SLC39A11: variants seen among roughly 807,000 people sequenced by gnomAD.
SLC39A11 encodes solute carrier family 39 member 11, also known as zinc transporter ZIP11.
SLC39A11 carries 33 observed loss-of-function variants against 36.1 expected under a neutral mutation model. That is an observed-to-expected ratio of 0.91 (90% CI 0.69 to 1.22). The LOEUF (loss-of-function observed/expected upper bound fraction) is 1.22. Among genes scored for constraint, SLC39A11 ranks in the 50% most tolerant of loss-of-function variants. SLC39A11 has a pLI of 0.00. For synonymous variants in SLC39A11, 166 were observed against 170.3 expected, an observed-to-expected ratio of 0.97 and a Z score of 0.20; for missense variants, 432 against 430.3, an observed-to-expected ratio of 1.00 and a Z score of -0.03.
intron 3 of SLC39A11, among the ~76,000 whole-genome samples, chr17:73,058,540 T>A (rs1014681110): frequency 6.6e-6 from 1 of 152,058 alleles, no homozygotes; most frequent in Non-Finnish European, 1.5e-5. Flanking sequence ...CTGGCCAACA[T>A]GGCGAAACCC....
chr17:72,899,163 T>C (rs1245913880), intron 5 of SLC39A11, among the ~76,000 whole-genome samples: 1 of 152,170 alleles, frequency 6.6e-6, no homozygotes, highest in African/African-American at 2.4e-5. Flanking sequence ...GGCTAGATCC[T>C]GCCCAGGTCT....
At chr17:72,794,369 C>A (rs1167909671) in intron 6 of SLC39A11, among the ~76,000 whole-genome samples, 3 of 152,152 alleles carry the variant, frequency 2.0e-5, no homozygotes, top group Admixed American at 1.3e-4. Context: ...AGGACTCACA[C>A]TGACTCCACA....
intron 6 of SLC39A11, among the ~76,000 whole-genome samples, chr17:72,786,977 G>A (rs1375939536): frequency 1.3e-5 from 2 of 151,876 alleles, no homozygotes; most frequent in African/African-American, 2.4e-5. Context: ...CCGCTGCCAC[G>A]CCCAGCTAAT....
rs2057348364 is a variant in SLC39A11 at position 72,941,012 on chromosome 17, G to A, written c.430+6740C>T. ...GGAGATTGGGACACCGACAGGCACA[G>A]AGGAAAGACCACGCTTTGGGAGGCC... is the stretch of plus-strand genomic sequence containing the variant. On this transcript the variant is annotated intron_variant, in intron 5 of 9. Transcript: ENST00000255559. 4.6e-5 allele frequency among the ~76,000 whole-genome samples: 7 copies of A among 152,296 alleles called. No homozygotes were observed. The South Asian group carries it at 1.4e-3, about 32-fold the overall frequency.
intron 5 of SLC39A11, among the ~76,000 whole-genome samples, chr17:72,924,774 C>T (rs894467877): frequency 1.8e-4 from 27 of 152,176 alleles, no homozygotes; most frequent in African/African-American, 6.0e-4. Context: ...GAGGCCAAGG[C>T]GGGTGGATCA....
intron 4 of SLC39A11, among the ~76,000 whole-genome samples, chr17:73,009,135 G>C (rs148647123): frequency 6.6e-6 from 1 of 150,854 alleles, no homozygotes; most frequent in Non-Finnish European, 1.5e-5. Flanking sequence ...AGGCCAAGGC[G>C]GGCGGATCAC....
At chr17:72,958,391 G>C (rs1340365206) in intron 4 of SLC39A11, among the ~76,000 whole-genome samples, 1 of 152,098 alleles carries the variant, frequency 6.6e-6, no homozygotes, top group African/African-American at 2.4e-5. Context: ...ACAGCAAAAG[G>C]AACAATCAGC....
chr17:72,990,393 A>C (rs551243529), intron 4 of SLC39A11, among the ~76,000 whole-genome samples: 77 of 152,328 alleles, frequency 5.1e-4, no homozygotes, highest in African/African-American at 1.6e-3. Flanking sequence ...TTAAAGAAAC[A>C]CATTTCCTTT....
chr17:72,879,292 C>T (rs1056409291), intron 5 of SLC39A11, among the ~76,000 whole-genome samples: 2 of 152,180 alleles, frequency 1.3e-5, no homozygotes, highest in Non-Finnish European at 2.9e-5. Flanking sequence ...CCTGGTCTTT[C>T]TCTTCACCAG....
At chr17:72,662,612 A>AG (rs1489000766) in intron 7 of SLC39A11, among the ~76,000 whole-genome samples, 48 of 135,756 alleles carry the variant, frequency 3.5e-4, no homozygotes, top group African/African-American at 1.2e-3. Flanking sequence ...GGAAGGAAGG[A>AG]AGGAGAGAAG....
chr17:72,719,328 T>C (rs2073550746), intron 7 of SLC39A11, among the ~76,000 whole-genome samples: 1 of 152,112 alleles, frequency 6.6e-6, no homozygotes, highest in Non-Finnish European at 1.5e-5. Flanking sequence ...TGGCCACATG[T>C]CCATACTGGG....
At chr17:72,769,571 A>T (rs1318116026) in intron 6 of SLC39A11, among the ~76,000 whole-genome samples, 1 of 149,038 alleles carries the variant, frequency 6.7e-6, no homozygotes, top group East Asian at 2.0e-4. Context: ...TTTGAGATGG[A>T]GTTTCGCTCT....
intron 6 of SLC39A11, among the ~76,000 whole-genome samples, chr17:72,762,974 T>C (rs1487904533): frequency 6.6e-6 from 1 of 152,196 alleles, no homozygotes; most frequent in Non-Finnish European, 1.5e-5. Context: ...CATGTGAGCA[T>C]TGGTCCTTTT....
intron 5 of SLC39A11, among the ~76,000 whole-genome samples, chr17:72,869,926 G>GA (rs574352475): frequency 6.6e-6 from 1 of 151,428 alleles, no homozygotes; most frequent in African/African-American, 2.4e-5. Context: ...TATTCTTCTA[G>GA]AAAAAAAATA....
intron 6 of SLC39A11, among the ~76,000 whole-genome samples, chr17:72,785,245 T>C (rs1383258054): frequency 6.6e-6 from 1 of 152,118 alleles, no homozygotes; most frequent in Non-Finnish European, 1.5e-5. Context: ...AGCAAGGATA[T>C]AGGATGAGGG....
chr17:72,935,934 C>T (rs1358566905), intron 5 of SLC39A11, among the ~76,000 whole-genome samples: 1 of 151,970 alleles, frequency 6.6e-6, no homozygotes, highest in Non-Finnish European at 1.5e-5. Flanking sequence ...CAGTGGCTCA[C>T]ACCTATAATC....
chr17:73,014,387 G>A (rs2090696188), intron 4 of SLC39A11, among the ~76,000 whole-genome samples: 1 of 152,322 alleles, frequency 6.6e-6, no homozygotes, highest in South Asian at 2.1e-4. Context: ...TACGGGCACA[G>A]TGCCTCATGC....
At chr17:72,739,143 T>C (rs1349270910) in intron 6 of SLC39A11, among the ~76,000 whole-genome samples, 1 of 151,724 alleles carries the variant, frequency 6.6e-6, no homozygotes, top group African/African-American at 2.4e-5. Flanking sequence ...TTTTTTTTTT[T>C]TTGAGACACA....
chr17:73,027,504 C>T (rs915417584), intron 4 of SLC39A11, among the ~76,000 whole-genome samples: 4 of 152,238 alleles, frequency 2.6e-5, no homozygotes, highest in Non-Finnish European at 5.9e-5. Context: ...TGAAAACAAA[C>T]ACCCAGTTTG....
Sources: gnomAD v4.1 joint callset for allele counts (sites outside exome capture counted in the v4.1 genomes callset) on GRCh38, gnomAD v4.1.1 for gene constraint, MANE v1.5 for transcripts, NCBI Gene and HGNC (gene_info 2026-07-23, HGNC 2026-07-21) for gene names.